The following OLA1 variants were observed in gnomAD, a reference collection of about 807,000 sequenced individuals.
The protein encoded by OLA1 is Obg like ATPase 1.
OLA1 carries 14 observed loss-of-function variants against 48.4 expected under a neutral mutation model. The ratio of observed to expected loss-of-function variants is 0.29; its 90% CI spans 0.19 to 0.45. The LOEUF is 0.45. Ranked by LOEUF, OLA1 falls within the 20% of genes least tolerant of loss-of-function variation. The probability of loss-of-function intolerance (pLI) is 1.00; values close to 1 mark genes in which losing one functional copy is unlikely to be tolerated. For synonymous variants in OLA1, 127 were observed against 150.4 expected (o/e 0.84, Z 1.14); for missense variants, 325 against 467.1 (o/e 0.70, Z 2.80).
At chr2:174,212,237 T>C (rs562236119) in intron 4 of OLA1, among the ~76,000 whole-genome samples, 1 of 152,370 alleles carries the variant, frequency 6.6e-6, no homozygotes, top group African/African-American at 2.4e-5. Flanking sequence ...AGCATGTTAC[T>C]ATACTGAATA....
At chr2:174,206,344 G>A (rs1688113980) in intron 4 of OLA1, among the ~76,000 whole-genome samples, 1 of 152,002 alleles carries the variant, frequency 6.6e-6, no homozygotes, top group South Asian at 2.1e-4. Flanking sequence ...GACAGCCTAG[G>A]CAACATGGTG....
At chr2:174,223,310 C>CA (rs570461141) in intron 3 of OLA1, 150 bp from the exon 4 acceptor site, 85 of 704,750 alleles carry the variant, frequency 1.2e-4, no homozygotes, top group South Asian at 2.2e-4. Context: ...CCCCTCCCCC[C>CA]AAAAAAAATT....
intron 7 of OLA1, among the ~76,000 whole-genome samples, chr2:174,097,260 A>G (rs1195919250): frequency 1.3e-5 from 2 of 152,234 alleles, no homozygotes; most frequent in African/African-American, 4.8e-5. Context: ...AAGGGAAAGA[A>G]TTCAAGCACA....
intron 7 of OLA1, among the ~76,000 whole-genome samples, chr2:174,096,615 T>C (rs1039952379): frequency 6.6e-6 from 1 of 152,158 alleles, no homozygotes; most frequent in Admixed American, 6.5e-5. Flanking sequence ...CTCAATTACA[T>C]ACTAGCTATA....
rs752297720 is a variant in OLA1, at chr2:174,123,676, C to T, written c.550-1G>A. ...AGGATTTTACTTTGCACATTATATC[C>T]TACACATGATTGAGAAAAAGGTAAA... On this transcript the variant is annotated splice_acceptor_variant, in intron 5 of 10. Coordinates refer to ENST00000284719, the MANE Select transcript of OLA1 (RefSeq NM_013341.5). LOFTEE classifies it high-confidence loss of function. 6.6e-7 allele frequency: 1 copy of T among 1,524,358 alleles called. No homozygotes were observed. The highest frequency in any genetic ancestry group is 8.9e-7 in the Non-Finnish European group (1 of 1,124,070). The allele number at this position is 1,524,358 out of a possible 1,614,324, so 94.4% of individuals were successfully genotyped here.
At chr2:174,173,824 A>G (rs1019646326) in intron 4 of OLA1, among the ~76,000 whole-genome samples, 5 of 152,082 alleles carry the variant, frequency 3.3e-5, no homozygotes, top group Non-Finnish European at 5.9e-5. Context: ...AGGAGACATT[A>G]TAGGTCCTAA....
Position 174,142,060 on chromosome 2 carries a change from T to C in OLA1, c.374-60A>G, listed in dbSNP as rs1686465989. Reference sequence around the variant, plus strand: ...AAATAATACAGCGTGTTCATTATGATAGAGTGAAAGATTCCTAGAAGGTTA... The same window carrying C: ...AAATAATACAGCGTGTTCATTATGACAGAGTGAAAGATTCCTAGAAGGTTA... On this transcript the variant is annotated intron_variant, in intron 4 of 10. Coordinates refer to ENST00000284719, the MANE Select transcript of OLA1 (RefSeq NM_013341.5). The C allele has an allele frequency of 5.0e-6, 7 of 1,408,858 alleles. No homozygotes were observed. In the East Asian group the frequency reaches 1.1e-4, roughly 23 times the overall value. 87.3% of individuals were successfully genotyped at this position (1,408,858 alleles called of 1,614,324 possible). A position where few individuals can be genotyped will look rare whatever the true frequency, so the allele number is the denominator to read the frequency against.
chr2:174,158,945 C>A (rs1019003151), intron 4 of OLA1, among the ~76,000 whole-genome samples: 3 of 152,170 alleles, frequency 2.0e-5, no homozygotes, highest in African/African-American at 7.2e-5. Context: ...GATTTTAGCA[C>A]TGCTAATATG....
intron 7 of OLA1, among the ~76,000 whole-genome samples, chr2:174,106,702 TG>T (rs1282435802): frequency 6.6e-6 from 1 of 152,132 alleles, no homozygotes. Flanking sequence ...TGCTGCATTG[TG>T]GCCATAATCT....
At chr2:174,227,479 C>T (rs773714927) in intron 3 of OLA1, among the ~76,000 whole-genome samples, 7 of 151,930 alleles carry the variant, frequency 4.6e-5, no homozygotes, top group Admixed American at 6.6e-5. Context: ...ACTAAAGAAC[C>T]GAAGTATAAT....
chr2:174,080,991 C>T, intron 9 of OLA1, 161 bp downstream of exon 9: 1 of 616,062 alleles, frequency 1.6e-6, no homozygotes, highest in South Asian at 1.8e-5. Flanking sequence ...GCTCCACTTT[C>T]ACTGTTCAGC....
At chr2:174,127,731 A>G (rs77818396) in intron 5 of OLA1, among the ~76,000 whole-genome samples, 2 of 152,220 alleles carry the variant, frequency 1.3e-5, no homozygotes, top group African/African-American at 4.8e-5. Flanking sequence ...AAATGTCCCA[A>G]CAACAGTTAA....
chr2:174,223,096 G>C lies in OLA1; in HGVS notation c.310C>G (p.Gln104Glu), dbSNP rs762870272. Residue 104 changes from glutamine to glutamate, a missense_variant, in exon 4 of 11, where the codon CAG becomes GAG. Physicochemically the swap from Gln to Glu is conservative, Grantham distance 29. Transcript: ENST00000284719. ...GATAAAAAAGCATTCCCCAGGCCCTGCCCATTGTGAGCTCCTTTCACAAGG... is the reference window on the plus strand; with the variant it reads ...GATAAAAAAGCATTCCCCAGGCCCTCCCCATTGTGAGCTCCTTTCACAAGG... ...AGLVKGAHNG[Q>E]GLGNAFLSHI... The C allele has an allele frequency of 1.3e-5, 21 of 1,613,662 alleles. No individual in the cohort carries two copies. The highest frequency in any genetic ancestry group is 1.4e-5 in the Non-Finnish European group (17 of 1,179,754).
intron 4 of OLA1, among the ~76,000 whole-genome samples, chr2:174,161,093 C>A (rs10189326): frequency 0.54 from 82,176 of 152,030 alleles, 22,848 homozygotes; most frequent in East Asian, 0.94. Context: ...TTAAATAGTG[C>A]AGTTCATTTT....
chr2:174,149,370 G>T (rs1686691010), intron 4 of OLA1, among the ~76,000 whole-genome samples: 2 of 151,898 alleles, frequency 1.3e-5, no homozygotes, highest in Non-Finnish European at 2.9e-5. Flanking sequence ...CATATATGTT[G>T]ATGTCTTTCT....
chr2:174,165,286 A>G (rs1252810690), intron 4 of OLA1, among the ~76,000 whole-genome samples: 1 of 152,346 alleles, frequency 6.6e-6, no homozygotes, highest in East Asian at 1.9e-4. Context: ...ACAAGGGTGG[A>G]ATGCATAAGG....
chr2:174,077,297 T>C (rs955857477), intron 10 of OLA1, among the ~76,000 whole-genome samples: 2 of 152,102 alleles, frequency 1.3e-5, no homozygotes, highest in Non-Finnish European at 2.9e-5. Flanking sequence ...AAATTAGTTA[T>C]GCTGCACTGG....
At chr2:174,185,067 C>G (rs936464166) in intron 4 of OLA1, among the ~76,000 whole-genome samples, 7 of 152,138 alleles carry the variant, frequency 4.6e-5, no homozygotes, top group African/African-American at 4.8e-5. Flanking sequence ...CTTGGTGGAG[C>G]AGATCCCCGT....
Position 174,163,749 on chromosome 2 carries a change from TATATATATATATATATATATATATATAA to T in OLA1, c.374-21777_374-21750del, listed in dbSNP as rs1375895694. ...ATATATATATATATATATATATATATATATATATATATATATATATATATATAAATAAATGTTTGGGTGCCTGCTTAGA... is the reference window on the plus strand; with the variant it reads ...ATATATATATATATATATATATATATATAAATGTTTGGGTGCCTGCTTAGA... On this transcript the variant is annotated intron_variant, in intron 4 of 10. Transcript: ENST00000284719. 2.9e-3 allele frequency among the ~76,000 whole-genome samples: 123 copies of T among 42,298 alleles called. 13 individuals carry two copies. The highest frequency in any genetic ancestry group is 0.029 in the Middle Eastern group (2 of 70). The allele number at this position is 42,298 out of a possible 152,430, so 27.7% of individuals were successfully genotyped here.
Sources: allele counts gnomAD v4.1 joint callset (sites outside exome capture counted in the v4.1 genomes callset), GRCh38; gene constraint gnomAD v4.1.1; transcripts MANE v1.5; gene names NCBI Gene and HGNC (gene_info 2026-07-23, HGNC 2026-07-21).